The following FBRSL1 variants were observed in gnomAD, a reference collection of about 807,000 sequenced individuals.
The protein encoded by FBRSL1 is fibrosin-1-like protein.
In FBRSL1, 51 loss-of-function variants were observed where a neutral mutation model predicts 89.6. The ratio of observed to expected loss-of-function variants is 0.57; its 90% confidence interval spans 0.45 to 0.72. The LOEUF is 0.72. Among genes scored for constraint, FBRSL1 ranks in the 30% least tolerant of loss-of-function variants. The pLI, the probability that FBRSL1 is intolerant of heterozygous loss-of-function variation, is 0.00. For synonymous variants in FBRSL1, 779 were observed against 681.1 expected (o/e 1.14, Z -2.24); for missense variants, 1,618 against 1,451.8 (o/e 1.11, Z -1.86).
intron 5 of FBRSL1, among the ~76,000 whole-genome samples, chr12:132,558,781 C>T (rs545997379): frequency 6.6e-6 from 1 of 152,254 alleles, no homozygotes; most frequent in Non-Finnish European, 1.5e-5. Context: ...TGCCCGGGGC[C>T]AGGCCTTCCA....
chr12:132,491,398 G>T (rs1346588914), intron 1 of FBRSL1, among the ~76,000 whole-genome samples: 1 of 152,190 alleles, frequency 6.6e-6, no homozygotes, highest in African/African-American at 2.4e-5. Flanking sequence ...TCTGGCTGAC[G>T]GACAGTATTT....
chr12:132,551,000 T>A (rs1346718207), intron 5 of FBRSL1: 16 of 249,302 alleles, frequency 6.4e-5, no homozygotes, highest in African/African-American at 2.2e-5. Context: ...AGCACCCCAC[T>A]GGCCGTCCCC....
chr12:132,536,059 G>T (rs955416330), intron 4 of FBRSL1, among the ~76,000 whole-genome samples: 1 of 151,004 alleles, frequency 6.6e-6, no homozygotes, highest in Admixed American at 6.6e-5. Context: ...TGTGTGCCAC[G>T]TGTGCATGAT....
chr12:132,541,114 C>T (rs1374823292), intron 4 of FBRSL1, among the ~76,000 whole-genome samples: 2 of 151,492 alleles, frequency 1.3e-5, no homozygotes, highest in African/African-American at 4.9e-5. Flanking sequence ...CCTCCCACCA[C>T]ATCCCTACCC....
Position 132,490,465 on chromosome 12 carries a change from C to T in FBRSL1, c.-106C>T, listed in dbSNP as rs2030645159. 2 of 806,710 alleles carry T rather than the reference C, an allele frequency of 2.5e-6. No individual in the cohort carries two copies. Among genetic ancestry groups the T allele is most frequent in the Non-Finnish European group, 3.0e-6 (2 of 672,270 alleles). 50.0% of individuals were successfully genotyped at this position (806,710 alleles called of 1,614,324 possible). A position where few individuals can be genotyped will look rare whatever the true frequency, so the allele number is the denominator to read the frequency against. ...CCGCCGCCCAGGGCCCGAGCCCGCG[C>T]GGCGCACACTCAGCCCGGCGGCGCC... On this transcript the variant is annotated 5_prime_UTR_variant, in exon 1 of 19. Transcript: ENST00000680143.
At chr12:132,498,319 C>T (rs2032393616) in intron 1 of FBRSL1, among the ~76,000 whole-genome samples, 1 of 152,164 alleles carries the variant, frequency 6.6e-6, no homozygotes, top group African/African-American at 2.4e-5. Context: ...GCCTGCGGGA[C>T]CCACAGGCCC....
At chr12:132,513,040 CACT>C (rs2136677845) in intron 2 of FBRSL1, among the ~76,000 whole-genome samples, 1 of 152,340 alleles carries the variant, frequency 6.6e-6, no homozygotes, top group East Asian at 1.9e-4. Context: ...CTGGTGGGGA[CACT>C]GCTGCCAGGC....
intron 9 of FBRSL1, 133 bp downstream of exon 9, chr12:132,571,364 G>A (rs1025553901): frequency 3.8e-5 from 59 of 1,550,664 alleles, no homozygotes; most frequent in Non-Finnish European, 5.0e-5. Context: ...AGCGCCGAGC[G>A]GCCTGGCGCC....
intron 1 of FBRSL1, among the ~76,000 whole-genome samples, chr12:132,505,127 A>G (rs1317290274): frequency 6.6e-6 from 1 of 152,008 alleles, no homozygotes; most frequent in Non-Finnish European, 1.5e-5. Flanking sequence ...CTCCATCTCA[A>G]AAACAAAAAG....
chr12:132,562,908 C>T (rs377468600), intron 5 of FBRSL1, among the ~76,000 whole-genome samples: 4 of 152,086 alleles, frequency 2.6e-5, no homozygotes, highest in African/African-American at 9.7e-5. Flanking sequence ...TTTTTCACTT[C>T]TATGTTTGCG....
intron 4 of FBRSL1, among the ~76,000 whole-genome samples, chr12:132,536,039 CAT>C (rs1202970643): frequency 6.6e-6 from 1 of 151,200 alleles, no homozygotes; most frequent in East Asian, 2.0e-4. Context: ...TTTACATGTA[CAT>C]GACAGTGTGT....
At chr12:132,522,477 A>C (rs1189922025) in intron 2 of FBRSL1, among the ~76,000 whole-genome samples, 1 of 152,212 alleles carries the variant, frequency 6.6e-6, no homozygotes, top group Non-Finnish European at 1.5e-5. Context: ...TGGTCCCACC[A>C]GCGGCTGGTC....
At chr12:132,521,940 G>A (rs573886802) in intron 2 of FBRSL1, among the ~76,000 whole-genome samples, 2 of 152,188 alleles carry the variant, frequency 1.3e-5, no homozygotes, top group Admixed American at 6.5e-5. Context: ...GGGAGCAGGT[G>A]GGGCGATGAG....
At chr12:132,527,324 C>T (rs542889999) in intron 3 of FBRSL1, among the ~76,000 whole-genome samples, 2 of 152,332 alleles carry the variant, frequency 1.3e-5, no homozygotes, top group South Asian at 4.1e-4. Context: ...CTGGTGGGGC[C>T]TTCCCTCTTG....
intron 4 of FBRSL1, among the ~76,000 whole-genome samples, chr12:132,533,549 G>T (rs149242338): frequency 6.6e-6 from 1 of 152,380 alleles, no homozygotes; most frequent in African/African-American, 2.4e-5. Flanking sequence ...TGTGGGTACC[G>T]TAGGGGTGGG....
chr12:132,527,850 G>A, intron 3 of FBRSL1, 103 bp from the exon 4 acceptor site: 1 of 1,102,596 alleles, frequency 9.1e-7, no homozygotes, highest in Non-Finnish European at 1.3e-6. Context: ...AGGGCTGCGG[G>A]GCAGGGCTAA....
intron 2 of FBRSL1, among the ~76,000 whole-genome samples, chr12:132,513,327 G>T (rs2034539121): frequency 6.6e-6 from 1 of 152,144 alleles, no homozygotes; most frequent in African/African-American, 2.4e-5. Flanking sequence ...TACTCAGTGG[G>T]GCTGCGCCTG....
chr12:132,536,940 G>T (rs979127513), intron 4 of FBRSL1, among the ~76,000 whole-genome samples: 25 of 152,222 alleles, frequency 1.6e-4, no homozygotes, highest in African/African-American at 6.0e-4. Flanking sequence ...TGATCATGTT[G>T]TGCCATGCCT....
Position 132,574,531 on chromosome 12 carries a change from C to T in FBRSL1, c.1668C>T (p.Ala556=). 1.1e-5 allele frequency: 17 copies of T among 1,550,242 alleles called. No homozygotes were observed. The highest frequency in any genetic ancestry group is 1.4e-5 in the Non-Finnish European group (16 of 1,146,856). The change falls in exon 14 of 19, where the codon GCC becomes GCT. Residue 556 remains alanine, a synonymous_variant. Coordinates refer to ENST00000680143, the MANE Select transcript of FBRSL1 (RefSeq NM_001367871.1). ...GGTGTGCCGTGCACGTGCAGATCGC[C>T]TGGCAGATCTACCGTCACCAGCAGA... is the stretch of plus-strand genomic sequence containing the variant. The part of the protein sequence containing the change: ...GRWCAVHVQI[A]WQIYRHQQKI...
Sources: gnomAD v4.1 joint callset for allele counts (sites outside exome capture counted in the v4.1 genomes callset) on GRCh38, gnomAD v4.1.1 for gene constraint, MANE v1.5 for transcripts, NCBI Gene and HGNC (gene_info 2026-07-23, HGNC 2026-07-21) for gene names.